The following FKBP11 variants were observed in gnomAD, a reference collection of about 807,000 sequenced individuals.
FKBP11 encodes peptidyl-prolyl cis-trans isomerase FKBP11.
In FKBP11, 21 loss-of-function variants were observed where a neutral mutation model predicts 24.7. That is an observed-to-expected ratio of 0.85 (90% CI 0.60 to 1.23). The LOEUF (loss-of-function observed/expected upper bound fraction) is 1.23, where lower values mean the gene tolerates loss of function less well. Ranked by LOEUF, FKBP11 falls within the 50% of genes most tolerant of loss-of-function variation. The pLI is 0.00. For missense variants in FKBP11, 245 were observed against 248.7 expected, an observed-to-expected ratio of 0.99 and a Z score of 0.10; for synonymous variants, 106 against 100.6, an observed-to-expected ratio of 1.05 and a Z score of -0.32.
chr12:48,930,060 C>G (rs940926851), upstream of FKBP11, among the ~76,000 whole-genome samples: 4 of 152,198 alleles, frequency 2.6e-5, no homozygotes, highest in African/African-American at 9.6e-5. Context: ...GTCAAGGTTG[C>G]AATCATGTCT....
intron 3 of FKBP11, 99 bp from the exon 4 acceptor site, chr12:48,924,355 T>C (rs1939904541): frequency 7.0e-7 from 1 of 1,437,570 alleles, no homozygotes; most frequent in Admixed American, 1.8e-5. Context: ...CAATTGACCT[T>C]TCCCTCACTT....
chr12:48,932,846 GC>G, the FKBP11 span, among the ~76,000 whole-genome samples: 2 of 152,286 alleles, frequency 1.3e-5, no homozygotes, highest in South Asian at 4.1e-4. Context: ...TGGATTGACT[GC>G]CAGACAGCTC....
upstream of FKBP11, among the ~76,000 whole-genome samples, chr12:48,929,118 C>T (rs544100268): frequency 5.3e-5 from 8 of 151,594 alleles, no homozygotes; most frequent in South Asian, 2.1e-4. Flanking sequence ...TGAGCCACCG[C>T]GCCCGGCCTT....
upstream of FKBP11, chr12:48,925,698 A>G (rs1939950706): frequency 1.9e-6 from 1 of 524,322 alleles, no homozygotes; most frequent in Non-Finnish European, 3.4e-6. Context: ...GGGTCGGGCC[A>G]AACAATAGCA....
chr12:48,936,994 C>T, the FKBP11 span: 1 of 152,040 alleles, frequency 6.6e-6, no homozygotes, highest in Admixed American at 6.6e-5. Flanking sequence ...CTCCAACACC[C>T]CCCCCACAAC....
chr12:48,935,091 C>T, the FKBP11 span, among the ~76,000 whole-genome samples: 13 of 150,870 alleles, frequency 8.6e-5, no homozygotes, highest in Non-Finnish European at 1.5e-4. Context: ...AGCACCCTGT[C>T]ACCAAGCAGA....
rs1367796945 is a variant in FKBP11 at position 48,924,406 on chromosome 12, G to A, written c.284-150C>T. 3 of 1,161,352 alleles carry A rather than the reference G, an allele frequency of 2.6e-6. No homozygotes were observed. In the African/African-American group the frequency reaches 4.6e-5, roughly 18 times the overall value. The allele number at this position is 1,161,352 out of a possible 1,614,324, so 71.9% of individuals were successfully genotyped here. A position where few individuals can be genotyped will look rare whatever the true frequency, so the allele number is the denominator to read the frequency against. The stretch of plus-strand genomic sequence containing the variant: ...TCCAATAGGATATGGGACAAGTGGA[G>A]TACTAGAAGTGAGGTTTGAACCTCA... On this transcript the variant is annotated intron_variant, in intron 3 of 5. Coordinates refer to ENST00000550765, the MANE Select transcript of FKBP11 (RefSeq NM_016594.3).
At chr12:48,935,361 A>G in the FKBP11 span, among the ~76,000 whole-genome samples, 1 of 152,198 alleles carries the variant, frequency 6.6e-6, no homozygotes, top group Non-Finnish European at 1.5e-5. Context: ...TCTCAAACTT[A>G]TTATATGCCT....
At chr12:48,928,514 G>A (rs908176795), upstream of FKBP11, among the ~76,000 whole-genome samples, 23 of 151,746 alleles carry the variant, frequency 1.5e-4, no homozygotes, top group South Asian at 1.0e-3. Flanking sequence ...GTCTCACTCT[G>A]TCTTGCCCAG....
At position 48,921,986 on chromosome 12, in the gene FKBP11, A is replaced by T. The variant is rs1939845457; in HGVS notation, c.604T>A (p.Ter202LysextTer1). Residue 202 changes from the stop codon to lysine (K), a stop_lost, in exon 6 of 6, where the codon TAA becomes AAA. Coordinates refer to ENST00000550765, the MANE Select transcript of FKBP11 (RefSeq NM_016594.3). ...EEKRNKSKKK[*>K] ...AGTTTTTTAAAATTTATTATTTATT[A>T]TTTCTTTTTGCTCTTGTTTCGTTTC... 6.3e-7 allele frequency: 1 copy of T among 1,581,012 alleles called. No individual in the cohort carries two copies. Among genetic ancestry groups the T allele is most frequent in the Non-Finnish European group, 8.6e-7 (1 of 1,168,274 alleles).
intron 2 of FKBP11, 143 bp from the exon 3 acceptor site, chr12:48,924,791 A>G: frequency 6.8e-7 from 1 of 1,466,546 alleles, no homozygotes; most frequent in Admixed American, 2.7e-5. Context: ...AGGAACAGGA[A>G]GCCCCAGAAG....
intron 5 of FKBP11, chr12:48,922,433 G>C: frequency 1.3e-6 from 1 of 777,844 alleles, no homozygotes; most frequent in Non-Finnish European, 1.8e-6. Flanking sequence ...CCAGTGACAA[G>C]TCTTTGAATG....
Position 48,924,276 on chromosome 12 carries a change from C to T in FKBP11, c.284-20G>A, listed in dbSNP as rs750772767. 5 of 1,614,058 alleles carry T rather than the reference C, an allele frequency of 3.1e-6. No individual in the cohort carries two copies. Among genetic ancestry groups the T allele is most frequent in the Non-Finnish European group, 4.2e-6 (5 of 1,180,006 alleles). On this transcript the variant is annotated intron_variant, in intron 3 of 5. Coordinates refer to ENST00000550765, the MANE Select transcript of FKBP11 (RefSeq NM_016594.3). ...CCAGACCTTGAAGAAGAAGACACAA[C>T]TGAACTGGAAGCTATCCACCTTCCC...
upstream of FKBP11, among the ~76,000 whole-genome samples, chr12:48,929,253 G>T (rs1319317842): frequency 6.6e-6 from 1 of 152,022 alleles, no homozygotes; most frequent in Non-Finnish European, 1.5e-5. Context: ...TTCAAGACCA[G>T]CCTGGGCAAC....
chr12:48,924,592 A>C lies in FKBP11; in HGVS notation c.252T>G (p.Val84=), dbSNP rs146000158. ...IDTSLTRDPL[V]IELGQKQVIP... ...TCACCTGCTTTTGGCCAAGTTCTAT[A>C]ACCAGAGGGTCTCTGGTCAGGGAGG... Residue 84 remains valine (V), a synonymous_variant, in exon 3 of 6, where the codon GTT becomes GTG. Transcript: ENST00000550765. 2 of 1,613,892 alleles carry C rather than the reference A, an allele frequency of 1.2e-6. No homozygotes were observed. Among genetic ancestry groups the C allele is most frequent in the Non-Finnish European group, 1.7e-6 (2 of 1,179,968 alleles).
At chr12:48,923,425 G>A (rs1939880712) in intron 5 of FKBP11, 2 of 1,522,152 alleles carry the variant, frequency 1.3e-6, no homozygotes, top group African/African-American at 1.4e-5. Context: ...AAGGGGTGGG[G>A]GGTGGCTGTA....
chr12:48,937,400 G>C, the FKBP11 span: 7 of 152,702 alleles, frequency 4.6e-5, no homozygotes, highest in African/African-American at 1.7e-4. Flanking sequence ...AGAAACTACA[G>C]AAGTCAGGAC....
At chr12:48,922,567 G>A (rs1286053204) in intron 5 of FKBP11, 7 of 1,007,234 alleles carry the variant, frequency 6.9e-6, no homozygotes, top group African/African-American at 1.7e-5. Context: ...GTCTTTGCAG[G>A]GCTGAAATTA....
chr12:48,925,072 C>T lies in FKBP11; in HGVS notation c.169G>A (p.Gly57Arg). The T allele has an allele frequency of 6.2e-7, 1 of 1,613,834 alleles. No homozygotes were observed. ...GTGTAGTGTATGTGAAGCGTGTCTC[C>T]AAAAGCAGCGGGCTCGGCACATGGT... ...PEPCAEPAAF[G>R]DTLHIHYTGS... Residue 57 changes from glycine to arginine, a missense_variant, in exon 2 of 6, where the codon GGA becomes AGA. Transcript: ENST00000550765.
Sources: gnomAD v4.1 joint callset for allele counts (sites outside exome capture counted in the v4.1 genomes callset) on GRCh38, gnomAD v4.1.1 for gene constraint, MANE v1.5 for transcripts, NCBI Gene and HGNC (gene_info 2026-07-23, HGNC 2026-07-21) for gene names.